The following JMJD1C variants were observed in gnomAD, a reference collection of about 807,000 sequenced individuals.
The protein encoded by JMJD1C is jumonji domain containing 1C.
In JMJD1C, 31 loss-of-function variants were observed where a neutral mutation model predicts 245.3. That is an observed-to-expected ratio of 0.13 (90% CI 0.09 to 0.17). The LOEUF is 0.17. Among genes scored for constraint, JMJD1C ranks in the 10% least tolerant of loss-of-function variants. JMJD1C has a pLI of 1.00. For missense variants in JMJD1C, 2,691 were observed against 3,000.2 expected, an observed-to-expected ratio of 0.90 and a Z score of 2.41; for synonymous variants, 1,057 against 1,017.4, an observed-to-expected ratio of 1.04 and a Z score of -0.74.
chr10:63,310,827 C>T (rs1382170172), intron 2 of JMJD1C, among the ~76,000 whole-genome samples: 1 of 151,310 alleles, frequency 6.6e-6, no homozygotes, highest in African/African-American at 2.4e-5. Context: ...AAAGAAAAGG[C>T]CTAAATGGTC....
At chr10:63,270,161 G>A (rs953713867) in intron 2 of JMJD1C, among the ~76,000 whole-genome samples, 6 of 152,098 alleles carry the variant, frequency 3.9e-5, no homozygotes, top group East Asian at 1.9e-4. Flanking sequence ...TGCTCTAATA[G>A]TAAGTTCTCT....
In JMJD1C at chr10:63,338,703, C is replaced by T. The variant is rs188988469; in HGVS notation, c.333+41615G>A. 2.3e-3 allele frequency among the ~76,000 whole-genome samples: 296 copies of T among 126,742 alleles called. 1 individual carries two copies. Among genetic ancestry groups the T allele is most frequent in the Non-Finnish European group, 3.6e-3 (233 of 64,420 alleles). The allele number at this position is 126,742 out of a possible 152,430, so 83.1% of individuals were successfully genotyped here. A position where few individuals can be genotyped will look rare whatever the true frequency, so the allele number is the denominator to read the frequency against. ...CGCTCTTGTTACCCAGACTTGAGTG[C>T]AATGGTGCAATCTCAGCTCACCGCA... On this transcript the variant is annotated intron_variant, in intron 2 of 25. Transcript: ENST00000399262.
At chr10:63,438,440 C>T (rs1951181748) in intron 1 of JMJD1C, among the ~76,000 whole-genome samples, 1 of 152,202 alleles carries the variant, frequency 6.6e-6, no homozygotes. Context: ...CCTAACCGCT[C>T]TCCCTGCATC....
chr10:63,428,529 T>C (rs568716459), intron 1 of JMJD1C, among the ~76,000 whole-genome samples: 1 of 152,288 alleles, frequency 6.6e-6, no homozygotes, highest in African/African-American at 2.4e-5. Context: ...AGGAACTAAA[T>C]TTGCACAGAA....
At chr10:63,236,697 C>T (rs1030794927) in intron 3 of JMJD1C, among the ~76,000 whole-genome samples, 2 of 152,154 alleles carry the variant, frequency 1.3e-5, no homozygotes, top group East Asian at 3.9e-4. Context: ...AAATATTCCT[C>T]CAGCACAACC....
intron 2 of JMJD1C, among the ~76,000 whole-genome samples, chr10:63,337,071 C>A (rs942958872): frequency 6.6e-5 from 10 of 152,048 alleles, no homozygotes; most frequent in African/African-American, 1.9e-4. Flanking sequence ...AAGCTCCTGA[C>A]CTCAGGTGAT....
chr10:63,187,379 G>C (rs532724862), intron 18 of JMJD1C, among the ~76,000 whole-genome samples: 70 of 152,214 alleles, frequency 4.6e-4, no homozygotes, highest in Middle Eastern at 6.8e-3. Flanking sequence ...AAAAGATAAG[G>C]GTTAAGCTAA....
upstream of JMJD1C, among the ~76,000 whole-genome samples, chr10:63,466,793 T>A (rs540025503): frequency 2.7e-4 from 41 of 152,184 alleles, no homozygotes; most frequent in South Asian, 1.0e-3. Context: ...AAAAAAAATA[T>A]TTATTTCCCA....
rs529610189 is a variant in JMJD1C, at chr10:63,474,175, C to T, written n.113+47563G>A. Among the ~76,000 whole-genome samples the T allele has an allele frequency of 3.9e-5, 6 of 152,224 alleles. No individual in the cohort carries two copies. In the South Asian group the frequency reaches 8.3e-4, roughly 21 times the overall value. ...CATCTTTACTGATAACAGCCTTAAA[C>T]AAATCATACCATTTGACTCAGTAAT... On this transcript the variant is annotated intron_variant and non_coding_transcript_variant, in intron 1 of 3. Transcript: ENST00000633035.
intron 2 of JMJD1C, among the ~76,000 whole-genome samples, chr10:63,325,825 C>A (rs1228772630): frequency 6.6e-6 from 1 of 152,118 alleles, no homozygotes; most frequent in East Asian, 1.9e-4. Flanking sequence ...CAGTGAACTA[C>A]CTTATTTCCA....
intron 1 of JMJD1C, among the ~76,000 whole-genome samples, chr10:63,454,429 TTTG>T (rs1180404722): frequency 5.3e-5 from 8 of 151,906 alleles, no homozygotes; most frequent in Non-Finnish European, 1.0e-4. Context: ...AGCTAATTTT[TTTG>T]TTGTTTTTTG....
intron 2 of JMJD1C, among the ~76,000 whole-genome samples, chr10:63,319,635 G>C (rs560534212): frequency 6.6e-6 from 1 of 152,098 alleles, no homozygotes; most frequent in South Asian, 2.1e-4. Context: ...TTCTGTATTT[G>C]ATAGCTGTCA....
At chr10:63,352,396 G>C (rs1363941191) in intron 2 of JMJD1C, among the ~76,000 whole-genome samples, 2 of 152,158 alleles carry the variant, frequency 1.3e-5, no homozygotes, top group African/African-American at 4.8e-5. Flanking sequence ...TCACCCCTTT[G>C]GGAGGCCGAG....
At chr10:63,298,575 T>C (rs1859700732) in intron 2 of JMJD1C, among the ~76,000 whole-genome samples, 1 of 152,218 alleles carries the variant, frequency 6.6e-6, no homozygotes, top group Non-Finnish European at 1.5e-5. Context: ...AATTTGATTA[T>C]ATCTTCAAAA....
Position 63,361,552 on chromosome 10 carries a change from T to C in JMJD1C, c.333+18766A>G, listed in dbSNP as rs1945325774. On this transcript the variant is annotated intron_variant, in intron 2 of 25. Transcript: ENST00000399262. ...AGAAGTGTCTCTGGGGTTTGACAAA[T>C]AGTTCAATTGAAAGCAATTAAAATT... Among the ~76,000 whole-genome samples, 3 of 151,946 alleles carry C rather than the reference T, an allele frequency of 2.0e-5. No homozygotes were observed. The South Asian group carries it at 6.2e-4, about 32-fold the overall frequency.
chr10:63,335,997 T>C (rs867661457), intron 2 of JMJD1C, among the ~76,000 whole-genome samples: 3 of 151,804 alleles, frequency 2.0e-5, no homozygotes, highest in South Asian at 4.2e-4. Flanking sequence ...AGCTTGTGCC[T>C]GTAGTCCCAG....
At chr10:63,204,229 C>T in intron 10 of JMJD1C, 1 of 985,094 alleles carries the variant, frequency 1.0e-6, no homozygotes, top group African/African-American at 1.7e-5. Flanking sequence ...CTTAATATTA[C>T]TTTGGACTTG....
chr10:63,302,273 C>T (rs1860192320), intron 2 of JMJD1C, among the ~76,000 whole-genome samples: 1 of 152,108 alleles, frequency 6.6e-6, no homozygotes, highest in African/African-American at 2.4e-5. Context: ...TGAATAAATG[C>T]ATGTAGACTG....
At chr10:63,462,205 A>C (rs1952843115) in intron 1 of JMJD1C, among the ~76,000 whole-genome samples, 1 of 152,170 alleles carries the variant, frequency 6.6e-6, no homozygotes. Flanking sequence ...AATACAGATA[A>C]CCCAAAAGGT....
Sources: allele counts gnomAD v4.1 joint callset (sites outside exome capture counted in the v4.1 genomes callset), GRCh38; gene constraint gnomAD v4.1.1; transcripts MANE v1.5; gene names NCBI Gene and HGNC (gene_info 2026-07-23, HGNC 2026-07-21).